The following ATXN1 variants were observed in gnomAD, a reference collection of about 807,000 sequenced individuals.
ATXN1 encodes ataxin 1.
In ATXN1, 8 loss-of-function variants were observed where a neutral mutation model predicts 56.4. The observed-to-expected ratio is 0.14, with a 90% confidence interval of 0.08 to 0.26. ATXN1 has a LOEUF of 0.26. Ranked by LOEUF, ATXN1 falls within the 10% of genes least tolerant of loss-of-function variation. ATXN1 has a pLI of 1.00. For missense variants in ATXN1, 987 were observed against 1,106.5 expected (o/e 0.89, Z 1.53); for synonymous variants, 514 against 494.6 (o/e 1.04, Z -0.52).
At chr6:16,744,323 C>G (rs1424312642) in intron 2 of ATXN1, among the ~76,000 whole-genome samples, 1 of 152,076 alleles carries the variant, frequency 6.6e-6, no homozygotes, top group Non-Finnish European at 1.5e-5. Context: ...AAACCAGCGC[C>G]AAGGAGCCCA....
At chr6:16,569,715 A>G (rs1320952442) in intron 4 of ATXN1, among the ~76,000 whole-genome samples, 1 of 152,116 alleles carries the variant, frequency 6.6e-6, no homozygotes, top group Non-Finnish European at 1.5e-5. Context: ...TTGAAAAAAC[A>G]GTTTCCCTGT....
At chr6:16,497,926 G>C (rs1760809852) in intron 5 of ATXN1, among the ~76,000 whole-genome samples, 1 of 152,162 alleles carries the variant, frequency 6.6e-6, no homozygotes, top group Non-Finnish European at 1.5e-5. Context: ...AAAATGACTG[G>C]TTTAAGGCTA....
At chr6:16,679,328 G>T (rs1758762664) in intron 2 of ATXN1, among the ~76,000 whole-genome samples, 1 of 136,662 alleles carries the variant, frequency 7.3e-6, no homozygotes, top group South Asian at 2.4e-4. Context: ...ATATGGGTGG[G>T]TGGATAGGTG....
chr6:16,309,437 AAGATGGT>A (rs1386871172), intron 7 of ATXN1, among the ~76,000 whole-genome samples: 1 of 151,992 alleles, frequency 6.6e-6, no homozygotes, highest in Non-Finnish European at 1.5e-5. Context: ...TAGAGACAAA[AAGATGGT>A]CAATATGGAG....
chr6:16,638,216 G>A (rs1763634748), intron 3 of ATXN1, among the ~76,000 whole-genome samples: 1 of 151,936 alleles, frequency 6.6e-6, no homozygotes, highest in Non-Finnish European at 1.5e-5. Context: ...AGGCTGAAGT[G>A]GAGGATCGCT....
chr6:16,706,277 C>T (rs1230178066), intron 2 of ATXN1, among the ~76,000 whole-genome samples: 2 of 152,120 alleles, frequency 1.3e-5, no homozygotes, highest in Non-Finnish European at 2.9e-5. Flanking sequence ...TTGCCTGCTC[C>T]CAGTACTAGA....
chr6:16,643,147 A>G (rs892753425), intron 3 of ATXN1, among the ~76,000 whole-genome samples: 1 of 151,712 alleles, frequency 6.6e-6, no homozygotes, highest in African/African-American at 2.4e-5. Flanking sequence ...GCAGGCACCT[A>G]TAGTCCCAGC....
intron 6 of ATXN1, among the ~76,000 whole-genome samples, chr6:16,412,811 C>T (rs572255880): frequency 2.6e-5 from 4 of 152,306 alleles, no homozygotes; most frequent in African/African-American, 7.2e-5. Flanking sequence ...TTCCAAATTC[C>T]CCAAAGGTCA....
At chr6:16,377,954 A>G (rs1440965484) in intron 6 of ATXN1, among the ~76,000 whole-genome samples, 1 of 152,222 alleles carries the variant, frequency 6.6e-6, no homozygotes, top group Non-Finnish European at 1.5e-5. Flanking sequence ...TATGACAAGC[A>G]ATTGAGCTCC....
At chr6:16,419,484 T>C (rs576292956) in intron 6 of ATXN1, among the ~76,000 whole-genome samples, 16 of 152,134 alleles carry the variant, frequency 1.1e-4, no homozygotes, top group African/African-American at 3.6e-4. Flanking sequence ...TTTTGAGTAA[T>C]TTAAAATGCC....
intron 7 of ATXN1, among the ~76,000 whole-genome samples, chr6:16,319,061 T>C (rs1367750968): frequency 6.6e-6 from 1 of 151,130 alleles, no homozygotes; most frequent in East Asian, 1.9e-4. Context: ...TACAAAAAAA[T>C]AGAAAAATTA....
chr6:16,394,104 T>G (rs1758408535), intron 6 of ATXN1, among the ~76,000 whole-genome samples: 1 of 152,232 alleles, frequency 6.6e-6, no homozygotes, highest in Non-Finnish European at 1.5e-5. Context: ...GTTTTGGTTA[T>G]AAAGGTCTGC....
At chr6:16,421,810 G>A (rs752173536) in intron 6 of ATXN1, among the ~76,000 whole-genome samples, 10 of 152,280 alleles carry the variant, frequency 6.6e-5, no homozygotes, top group Middle Eastern at 3.4e-3. Context: ...GTGTGCAGGC[G>A]TGAGTGTGTA....
intron 6 of ATXN1, among the ~76,000 whole-genome samples, chr6:16,416,197 T>A (rs1042256860): frequency 6.6e-6 from 1 of 151,944 alleles, no homozygotes; most frequent in Non-Finnish European, 1.5e-5. Context: ...TGTCTATGAA[T>A]TGGAAAAAAA....
chr6:16,625,718 G>A (rs1763395557), intron 3 of ATXN1, among the ~76,000 whole-genome samples: 1 of 151,988 alleles, frequency 6.6e-6, no homozygotes, highest in South Asian at 2.1e-4. Flanking sequence ...GGAGTCATCA[G>A]AATGCTACTA....
chr6:16,448,717 C>A (rs1759683916), intron 6 of ATXN1, among the ~76,000 whole-genome samples: 2 of 152,192 alleles, frequency 1.3e-5, no homozygotes. Flanking sequence ...CAACAATGCT[C>A]ACATACAGTG....
intron 2 of ATXN1, among the ~76,000 whole-genome samples, chr6:16,742,259 T>C (rs998591959): frequency 1.3e-5 from 2 of 152,192 alleles, no homozygotes; most frequent in Non-Finnish European, 2.9e-5. Context: ...GGGGAACACA[T>C]TCTTTCCCAC....
At chr6:16,607,801 G>A (rs1456495099) in intron 3 of ATXN1, among the ~76,000 whole-genome samples, 1 of 152,048 alleles carries the variant, frequency 6.6e-6, no homozygotes, top group Non-Finnish European at 1.5e-5. Flanking sequence ...TCCTAATATG[G>A]TCAACCACAG....
intron 6 of ATXN1, among the ~76,000 whole-genome samples, chr6:16,374,557 T>C (rs771371294): frequency 3.9e-5 from 6 of 152,174 alleles, no homozygotes; most frequent in Non-Finnish European, 7.4e-5. Context: ...TGAACAATCT[T>C]AGGTCTAAGT....
Sources: allele counts gnomAD v4.1 joint callset (sites outside exome capture counted in the v4.1 genomes callset), GRCh38; gene constraint gnomAD v4.1.1; transcripts MANE v1.5; gene names NCBI Gene and HGNC (gene_info 2026-07-23, HGNC 2026-07-21).